Variants in SAV1 observed in about 807,000 individuals in gnomAD.
SAV1 encodes salvador family WW domain containing protein 1, also known as protein salvador homolog 1.
In SAV1, 23 loss-of-function variants were observed where a neutral mutation model predicts 47.3. The ratio of observed to expected loss-of-function variants is 0.49; its 90% CI spans 0.35 to 0.69. The LOEUF (loss-of-function observed/expected upper bound fraction) is 0.69, where lower values mean the gene tolerates loss of function less well. Ranked by LOEUF, SAV1 falls within the 30% of genes least tolerant of loss-of-function variation. The probability of loss-of-function intolerance (pLI) is 0.01; values close to 1 mark genes in which losing one functional copy is unlikely to be tolerated. For missense variants in SAV1, 448 were observed against 457.4 expected (o/e 0.98, Z 0.19); for synonymous variants, 155 against 159.2 (o/e 0.97, Z 0.20).
Position 50,640,886 on chromosome 14 carries a change from G to A in SAV1, c.814C>T (p.Arg272Trp), listed in dbSNP as rs772746546. ...YRHPCAPSVP[R>W]YDQPPPVTYQ... ...GTGACAGGAGGTGGTTGATCATACC[G>A]AGGTACACTAAGAAGAAAGGAGTGA... Residue 272 changes from arginine to tryptophan, a missense_variant, in exon 4 of 5, where the codon CGG (arginine) becomes TGG (tryptophan). Transcript: ENST00000324679. 4.0e-5 allele frequency: 64 copies of A among 1,607,110 alleles called. No homozygotes were observed. Among genetic ancestry groups the A allele is most frequent in the Non-Finnish European group, 4.9e-5 (58 of 1,176,834 alleles).
chr14:50,640,209 C>T (rs1448092012), intron 4 of SAV1, among the ~76,000 whole-genome samples: 1 of 152,156 alleles, frequency 6.6e-6, no homozygotes, highest in African/African-American at 2.4e-5. Flanking sequence ...AACTTGAACT[C>T]CTCAGATCAA....
intron 1 of SAV1, among the ~76,000 whole-genome samples, chr14:50,666,603 T>G (rs143156679): frequency 2.0e-5 from 3 of 152,222 alleles, no homozygotes; most frequent in African/African-American, 7.2e-5. Flanking sequence ...GTGACAAACA[T>G]TAACAAAACT....
In SAV1 at chr14:50,667,865, G is replaced by A. The variant is rs922126841; in HGVS notation, c.94+9C>T. 1.2e-6 allele frequency: 2 copies of A among 1,611,980 alleles called. No homozygotes were observed. The highest frequency in any genetic ancestry group is 1.7e-5 in the Admixed American group (1 of 59,970). On this transcript the variant is annotated intron_variant, in intron 1 of 4. Coordinates refer to ENST00000324679, the MANE Select transcript of SAV1 (RefSeq NM_021818.4). Reference sequence around the variant, plus strand: ...GGCCAGGTGTGGGCACGCCCCGCCTGACACTCACTCCGAAGCAGAGGCGAC... The same window carrying A: ...GGCCAGGTGTGGGCACGCCCCGCCTAACACTCACTCCGAAGCAGAGGCGAC...
chr14:50,655,200 G>A (rs546861879), intron 2 of SAV1, among the ~76,000 whole-genome samples: 4 of 152,128 alleles, frequency 2.6e-5, no homozygotes, highest in East Asian at 1.9e-4. Flanking sequence ...ATATCACATC[G>A]TAGAAACACA....
At position 50,663,988 on chromosome 14, in the gene SAV1, C is replaced by T. The variant is rs563289318; in HGVS notation, c.535+1191G>A. On this transcript the variant is annotated intron_variant, in intron 2 of 4. Coordinates refer to ENST00000324679, the MANE Select transcript of SAV1 (RefSeq NM_021818.4). ...CCAATTTTCCACGTAAAATGTCCTT[C>T]TTCTGGCCCTTGTTAATCTAAAGGC... Among the ~76,000 whole-genome samples the T allele has an allele frequency of 3.9e-5, 6 of 152,334 alleles. No individual in the cohort carries two copies. The South Asian group carries it at 8.3e-4, about 21-fold the overall frequency.
chr14:50,662,654 T>C (rs2039869982), intron 2 of SAV1: 2 of 152,240 alleles, frequency 1.3e-5, no homozygotes, highest in South Asian at 2.1e-4. Context: ...TCAATTATAT[T>C]TGGCAAATTA....
chr14:50,646,683 C>A (rs1207684401), intron 2 of SAV1, among the ~76,000 whole-genome samples: 16 of 96,140 alleles, frequency 1.7e-4, no homozygotes, highest in East Asian at 2.6e-4. Context: ...GAAACTCTGT[C>A]TCAAAAAAAA....
chr14:50,650,742 C>T (rs2039761110), intron 2 of SAV1, among the ~76,000 whole-genome samples: 1 of 152,174 alleles, frequency 6.6e-6, no homozygotes, highest in Admixed American at 6.5e-5. Flanking sequence ...GATCTTTTGG[C>T]CGGGCGCAGT....
At chr14:50,652,327 G>T (rs1018639700) in intron 2 of SAV1, among the ~76,000 whole-genome samples, 1 of 152,176 alleles carries the variant, frequency 6.6e-6, no homozygotes, top group Non-Finnish European at 1.5e-5. Context: ...TCTATTTCCA[G>T]AAAGCAACAA....
chr14:50,666,794 A>C (rs1196947537), intron 1 of SAV1, among the ~76,000 whole-genome samples: 6 of 152,032 alleles, frequency 3.9e-5, no homozygotes, highest in East Asian at 1.9e-4. Flanking sequence ...AAAAAAAAAA[A>C]AACAACTTAA....
At chr14:50,652,616 C>G (rs1160871968) in intron 2 of SAV1, among the ~76,000 whole-genome samples, 1 of 152,182 alleles carries the variant, frequency 6.6e-6, no homozygotes, top group African/African-American at 2.4e-5. Flanking sequence ...AATTACCACA[C>G]CAATAATTAA....
In SAV1 at chr14:50,646,612, A is replaced by G. The variant is rs1318456436; in HGVS notation, c.536-1598T>C. 7.3e-5 allele frequency among the ~76,000 whole-genome samples: 11 copies of G among 149,674 alleles called. No homozygotes were observed. In the Admixed American group the frequency reaches 7.4e-4, roughly 10 times the overall value. On this transcript the variant is annotated intron_variant, in intron 2 of 4. Coordinates refer to ENST00000324679, the MANE Select transcript of SAV1 (RefSeq NM_021818.4). ...GAGGCAGGAGAATTGCTTGAACCCG[A>G]GAGCAGAGGTTGCAGTGAGCTGAGA...
chr14:50,649,053 T>C (rs1247816338), intron 2 of SAV1, among the ~76,000 whole-genome samples: 3 of 152,188 alleles, frequency 2.0e-5, no homozygotes, highest in Non-Finnish European at 4.4e-5. Context: ...TAGCTCACTC[T>C]GTTCCAGCTA....
chr14:50,653,929 A>T (rs371572051), intron 2 of SAV1, among the ~76,000 whole-genome samples: 19 of 152,300 alleles, frequency 1.2e-4, no homozygotes, highest in East Asian at 1.2e-3. Context: ...CAATAGCATT[A>T]TATCTTTAAA....
chr14:50,667,463 C>G (rs1211147045), intron 1 of SAV1: 1 of 457,132 alleles, frequency 2.2e-6, no homozygotes, highest in Non-Finnish European at 4.4e-6. Context: ...CGAGAGACAC[C>G]CGCAATGTTT....
At chr14:50,643,419 A>G (rs2039696629) in intron 3 of SAV1, among the ~76,000 whole-genome samples, 2 of 152,152 alleles carry the variant, frequency 1.3e-5, no homozygotes, top group Non-Finnish European at 2.9e-5. Flanking sequence ...CAGGAGAGAG[A>G]AAGAAGGGGG....
At chr14:50,638,806 C>CA (rs2140247806) in intron 4 of SAV1, among the ~76,000 whole-genome samples, 1 of 152,314 alleles carries the variant, frequency 6.6e-6, no homozygotes, top group African/African-American at 2.4e-5. Context: ...CTCGCTCTGT[C>CA]ACCCAGGCTG....
chr14:50,636,898 AT>A (rs1487078732), intron 4 of SAV1, among the ~76,000 whole-genome samples: 1 of 152,204 alleles, frequency 6.6e-6, no homozygotes, highest in East Asian at 1.9e-4. Flanking sequence ...GGAAGCTTTG[AT>A]TGCAAACTCT....
In SAV1 at chr14:50,667,893, C is replaced by G. The variant is rs781531568; in HGVS notation, c.75G>C (p.Glu25Asp). The G allele has an allele frequency of 2.5e-6, 4 of 1,613,142 alleles. No individual in the cohort carries two copies. In the African/African-American group the frequency reaches 5.3e-5, roughly 22 times the overall value. The change falls in exon 1 of 5, where the codon GAG becomes GAC. Residue 25 changes from glutamate (E) to aspartate (D), a missense_variant. Physicochemically the swap from Glu to Asp is conservative, Grantham distance 45. Coordinates refer to ENST00000324679, the MANE Select transcript of SAV1 (RefSeq NM_021818.4). Reference protein sequence around the residue: ...AEVQGKYVKKETSPLLRNLMP... With the variant: ...AEVQGKYVKKDTSPLLRNLMP... The stretch of plus-strand genomic sequence containing the variant: ...ACTCACTCCGAAGCAGAGGCGACGT[C>G]TCCTTCTTCACGTACTTCCCCTGCA...
Sources: gnomAD v4.1 joint callset for allele counts (sites outside exome capture counted in the v4.1 genomes callset) on GRCh38, gnomAD v4.1.1 for gene constraint, MANE v1.5 for transcripts, NCBI Gene and HGNC (gene_info 2026-07-23, HGNC 2026-07-21) for gene names.